The following FOSL1 variants were observed in gnomAD, a reference collection of about 807,000 sequenced individuals.
FOSL1 encodes fos-related antigen 1.
Under a neutral mutation model 24.9 loss-of-function variants are expected in FOSL1, and 14 were observed. The ratio of observed to expected loss-of-function variants is 0.56; its 90% CI spans 0.37 to 0.88. The LOEUF (loss-of-function observed/expected upper bound fraction) is 0.88, where lower values mean the gene tolerates loss of function less well. FOSL1 is among the 40% of genes least tolerant of loss of function. FOSL1 has a pLI of 0.00. For missense variants in FOSL1, 318 were observed against 359.8 expected, an observed-to-expected ratio of 0.88 and a Z score of 0.94; for synonymous variants, 133 against 145.1, an observed-to-expected ratio of 0.92 and a Z score of 0.60.
At chr11:65,899,025 G>T (rs376236890) in intron 1 of FOSL1, among the ~76,000 whole-genome samples, 1 of 150,236 alleles carries the variant, frequency 6.7e-6, no homozygotes, top group African/African-American at 2.4e-5. Context: ...GTTATAGTGG[G>T]TTTTTTTTTC....
intron 3 of FOSL1, 30 bp downstream of exon 3, chr11:65,893,984 T>G (rs1860459748): frequency 3.4e-6 from 5 of 1,482,320 alleles, no homozygotes; most frequent in Non-Finnish European, 4.6e-6. Context: ...AGGGTCCCTC[T>G]GAGCTCGGTG....
Position 65,900,227 on chromosome 11 carries a change from C to T in FOSL1, c.99+14G>A. 9 of 1,206,390 alleles carry T rather than the reference C, an allele frequency of 7.5e-6. No homozygotes were observed. The highest frequency in any genetic ancestry group is 9.3e-6 in the Non-Finnish European group (9 of 962,696). 74.7% of individuals were successfully genotyped at this position (1,206,390 alleles called of 1,614,324 possible). On this transcript the variant is annotated intron_variant, in intron 1 of 3. Transcript: ENST00000312562. Reference sequence around the variant, plus strand: ...GGTCCTCCCGTGGGACCACCGGCGTCGGGCCCCACTCACCTGCTGGGCTGC... The same window carrying T: ...GGTCCTCCCGTGGGACCACCGGCGTTGGGCCCCACTCACCTGCTGGGCTGC...
At chr11:65,897,886 GC>G (rs1231788437) in intron 1 of FOSL1, among the ~76,000 whole-genome samples, 2 of 144,842 alleles carry the variant, frequency 1.4e-5, no homozygotes, top group African/African-American at 5.4e-5. Context: ...CCATTCCATT[GC>G]TTTTTTTTTT....
At chr11:65,896,210 G>C (rs1334713712) in intron 2 of FOSL1, among the ~76,000 whole-genome samples, 5 of 152,102 alleles carry the variant, frequency 3.3e-5, no homozygotes, top group Non-Finnish European at 7.4e-5. Flanking sequence ...TATAGACCTG[G>C]GGCCAAGGCC....
rs779633764 is a variant in FOSL1, at chr11:65,893,287, T to G, written c.415A>C (p.Lys139Gln). 8 of 1,608,268 alleles carry G rather than the reference T, an allele frequency of 5.0e-6. No homozygotes were observed. The highest frequency in any genetic ancestry group is 6.8e-6 in the Non-Finnish European group (8 of 1,177,226). Residue 139 changes from lysine (K) to glutamine (Q), a missense_variant, in exon 4 of 4, where the codon AAA (lysine) becomes CAA (glutamine). By Grantham distance (53) the Lys-to-Gln change is moderately conservative (BLOSUM62 1). Transcript: ENST00000312562. ...LTDFLQAETD[K>Q]LEDEKSGLQR... ...AGCCCAGATTTCTCATCTTCCAGTT[T>G]GTCAGTCTCCTGTAGAAGATCAGGA...
At chr11:65,894,170 G>A (rs1201969001) in intron 2 of FOSL1, 49 bp from the exon 3 acceptor site, 3 of 1,402,012 alleles carry the variant, frequency 2.1e-6, no homozygotes, top group Non-Finnish European at 9.8e-7. Flanking sequence ...CTGGCTGCCT[G>A]GAACTCGCCC....
rs1481677025 is a variant in FOSL1, at chr11:65,897,124, A to G, written c.100-118T>C. The G allele has an allele frequency of 3.9e-6, 3 of 760,408 alleles. No individual in the cohort carries two copies. The South Asian group carries it at 5.0e-5, about 13-fold the overall frequency. The allele number at this position is 760,408 out of a possible 1,614,324, so 47.1% of individuals were successfully genotyped here. The stretch of plus-strand genomic sequence containing the variant: ...GTACAGGCTAGCTCTGGGAACAGAA[A>G]GAGCACAGCTTGGCAGTCAGAGACT... On this transcript the variant is annotated intron_variant, in intron 1 of 3. Coordinates refer to ENST00000312562, the MANE Select transcript of FOSL1 (RefSeq NM_005438.5).
chr11:65,896,835 C>T lies in FOSL1; in HGVS notation c.271G>A (p.Gly91Arg). 1.2e-6 allele frequency: 2 copies of T among 1,611,886 alleles called. No homozygotes were observed. ...GVIRALGPPP[G>R]VRRRPCEQIS... ...TGTTCACAAGGCCTTCGACGTACCC[C>T]TGGAGGCGGCCCCAGGGCCCGGATG... Residue 91 changes from glycine to arginine, a missense_variant, in exon 2 of 4, where the codon GGG (glycine) becomes AGG (arginine). Physicochemically the swap from Gly to Arg is moderately radical, Grantham distance 125 (BLOSUM62 -2). Coordinates refer to ENST00000312562, the MANE Select transcript of FOSL1 (RefSeq NM_005438.5).
Position 65,900,351 on chromosome 11 carries a change from G to A in FOSL1, c.-12C>T. 1 of 1,223,894 alleles carries A rather than the reference G, an allele frequency of 8.2e-7. No homozygotes were observed. The highest frequency in any genetic ancestry group is 1.0e-6 in the Non-Finnish European group (1 of 978,076). 75.8% of individuals were successfully genotyped at this position (1,223,894 alleles called of 1,614,324 possible). ...AAGTCTCGGAACATGCCCGGGGCTG[G>A]CGGCTCTGCGGGGTACACGGCTGCT... On this transcript the variant is annotated 5_prime_UTR_variant, in exon 1 of 4. Coordinates refer to ENST00000312562, the MANE Select transcript of FOSL1 (RefSeq NM_005438.5).
intron 1 of FOSL1, among the ~76,000 whole-genome samples, chr11:65,897,757 C>G (rs1860564093): frequency 6.6e-6 from 1 of 152,154 alleles, no homozygotes; most frequent in African/African-American, 2.4e-5. Context: ...AATTACAGCT[C>G]CCAGCTCAAG....
intron 1 of FOSL1, among the ~76,000 whole-genome samples, chr11:65,899,687 C>T (rs925282130): frequency 6.6e-6 from 1 of 152,222 alleles, no homozygotes; most frequent in Admixed American, 6.5e-5. Context: ...CCCTGGACTC[C>T]CCAGGCCGAG....
rs1860422987 is a variant in FOSL1, at chr11:65,892,885, C to T, written c.*1G>A. 2 of 1,610,562 alleles carry T rather than the reference C, an allele frequency of 1.2e-6. No homozygotes were observed. Among genetic ancestry groups the T allele is most frequent in the Non-Finnish European group, 1.7e-6 (2 of 1,179,512 alleles). ...TCTGCAGGGAGTAGGGCTCAGGCGCCTCACAAAGCGAGGAGGGTTGGAGAG... is the reference window on the plus strand; with the variant it reads ...TCTGCAGGGAGTAGGGCTCAGGCGCTTCACAAAGCGAGGAGGGTTGGAGAG... On this transcript the variant is annotated 3_prime_UTR_variant, in exon 4 of 4. Coordinates refer to ENST00000312562, the MANE Select transcript of FOSL1 (RefSeq NM_005438.5).
chr11:65,900,388 C>CA, upstream of FOSL1: 1 of 1,042,346 alleles, frequency 9.6e-7, no homozygotes, highest in Non-Finnish European at 1.2e-6. Flanking sequence ...GGTTCTGACT[C>CA]ACCCGCGCCG....
chr11:65,899,719 G>A (rs1297480257), intron 1 of FOSL1, among the ~76,000 whole-genome samples: 3 of 152,210 alleles, frequency 2.0e-5, no homozygotes, highest in South Asian at 4.1e-4. Flanking sequence ...ACTTGGCGAC[G>A]GAGGGGCGAA....
intron 2 of FOSL1, among the ~76,000 whole-genome samples, 193 bp downstream of exon 2, chr11:65,896,616 C>A (rs1860531906): frequency 1.3e-5 from 2 of 152,138 alleles, no homozygotes; most frequent in African/African-American, 2.4e-5. Context: ...AGGAAGCTTT[C>A]CCTGATCTGG....
chr11:65,893,961 G>A (rs1860459172), intron 3 of FOSL1, 53 bp downstream of exon 3: 9 of 1,252,306 alleles, frequency 7.2e-6, no homozygotes, highest in Non-Finnish European at 8.0e-6. Context: ...GGGCTCTGGG[G>A]GCTCTGGGAG....
Position 65,898,977 on chromosome 11 carries a change from AG to A in FOSL1, c.99+1263del, listed in dbSNP as rs200153899. 2.0e-3 allele frequency among the ~76,000 whole-genome samples: 23 copies of A among 11,412 alleles called. 1 individual carries two copies. The highest frequency in any genetic ancestry group is 0.014 in the Admixed American group (3 of 222). 7.5% of individuals were successfully genotyped at this position (11,412 alleles called of 152,430 possible). ...CCCTGTCTCAGAAAAAAAAAAAAAA[AG>A]AAAAGAAAGAGAAGGAAAGAAAATT... On this transcript the variant is annotated intron_variant, in intron 1 of 3. Coordinates refer to ENST00000312562, the MANE Select transcript of FOSL1 (RefSeq NM_005438.5).
chr11:65,893,957 TG>T, intron 3 of FOSL1, 56 bp downstream of exon 3: 2 of 1,215,702 alleles, frequency 1.6e-6, no homozygotes, highest in Non-Finnish European at 1.2e-6. Flanking sequence ...ACTGGGGCTC[TG>T]GGGGCTCTGG....
chr11:65,895,209 C>T (rs1309555491), intron 2 of FOSL1, among the ~76,000 whole-genome samples: 5 of 151,246 alleles, frequency 3.3e-5, no homozygotes, highest in Non-Finnish European at 7.4e-5. Flanking sequence ...CTGCAAGCTC[C>T]GCCTCCGGGG....
Sources: gnomAD v4.1 joint callset for allele counts (sites outside exome capture counted in the v4.1 genomes callset) on GRCh38, gnomAD v4.1.1 for gene constraint, MANE v1.5 for transcripts, NCBI Gene and HGNC (gene_info 2026-07-23, HGNC 2026-07-21) for gene names.